The following ZNF804B variants were observed in gnomAD, a reference collection of about 807,000 sequenced individuals.
ZNF804B encodes the protein zinc finger protein 804B.
ZNF804B carries 80 observed loss-of-function variants against 101.4 expected under a neutral mutation model. That is an observed-to-expected ratio of 0.79 (90% confidence interval 0.66 to 0.95). The LOEUF (loss-of-function observed/expected upper bound fraction) is 0.95, where lower values mean the gene tolerates loss of function less well. ZNF804B is among the 40% of genes least tolerant of loss of function. ZNF804B has a pLI of 0.00. For missense variants in ZNF804B, 1,673 were observed against 1,561.9 expected (o/e 1.07, Z -1.20); for synonymous variants, 622 against 558.8 (o/e 1.11, Z -1.59).
intron 2 of ZNF804B, among the ~76,000 whole-genome samples, chr7:89,326,841 T>A (rs1254118093): frequency 1.3e-5 from 2 of 151,994 alleles, no homozygotes; most frequent in East Asian, 1.9e-4. Context: ...AATATCTCCA[T>A]CCAGAAAAAT....
chr7:88,810,455 C>A (rs764346794), intron 1 of ZNF804B, among the ~76,000 whole-genome samples: 1 of 151,668 alleles, frequency 6.6e-6, no homozygotes, highest in African/African-American at 2.4e-5. Context: ...GAGTTCGAGA[C>A]CAGCCTGGGC....
At chr7:89,031,489 A>G (rs1050643951) in intron 1 of ZNF804B, among the ~76,000 whole-genome samples, 12 of 152,008 alleles carry the variant, frequency 7.9e-5, no homozygotes, top group African/African-American at 2.9e-4. Context: ...AGACAAATAA[A>G]ATTTTGTTGA....
chr7:89,198,065 GCAAA>G (rs986075204), intron 1 of ZNF804B, among the ~76,000 whole-genome samples: 67 of 151,770 alleles, frequency 4.4e-4, no homozygotes, highest in Admixed American at 2.5e-3. Flanking sequence ...AATAGGATTA[GCAAA>G]CAAACGGATT....
At chr7:89,015,539 A>G (rs1470245295) in intron 1 of ZNF804B, among the ~76,000 whole-genome samples, 1 of 143,072 alleles carries the variant, frequency 7.0e-6, no homozygotes, top group Non-Finnish European at 1.5e-5. Flanking sequence ...TCCTGTGTCC[A>G]TGTGTTCTCA....
chr7:88,896,625 T>A (rs1792288847), intron 1 of ZNF804B, among the ~76,000 whole-genome samples: 1 of 152,134 alleles, frequency 6.6e-6, no homozygotes, highest in South Asian at 2.1e-4. Context: ...AAAGAATACG[T>A]GATACAGAAA....
At chr7:88,893,344 T>C (rs1426038251) in intron 1 of ZNF804B, among the ~76,000 whole-genome samples, 1 of 152,098 alleles carries the variant, frequency 6.6e-6, no homozygotes, top group Non-Finnish European at 1.5e-5. Context: ...TCATCCGTAT[T>C]GCTTTATTAC....
At chr7:89,301,245 G>A (rs1790469524) in intron 2 of ZNF804B, among the ~76,000 whole-genome samples, 1 of 150,788 alleles carries the variant, frequency 6.6e-6, no homozygotes, top group Non-Finnish European at 1.5e-5. Context: ...GAGTTTAGCT[G>A]ATCTCCTTGA....
chr7:88,975,789 T>A (rs1029458669), intron 1 of ZNF804B, among the ~76,000 whole-genome samples: 35 of 151,708 alleles, frequency 2.3e-4, no homozygotes, highest in African/African-American at 7.7e-4. Flanking sequence ...TGATTGCACT[T>A]GTCCATTTTT....
At chr7:89,005,701 A>T (rs1256502468) in intron 1 of ZNF804B, among the ~76,000 whole-genome samples, 1 of 152,144 alleles carries the variant, frequency 6.6e-6, no homozygotes, top group East Asian at 1.9e-4. Flanking sequence ...TATAGCAAAT[A>T]GCTCAGTCTT....
Position 89,333,800 on chromosome 7 carries a change from C to A in ZNF804B, c.818C>A (p.Thr273Lys), listed in dbSNP as rs1012981644. 1 of 1,613,416 alleles carries A rather than the reference C, an allele frequency of 6.2e-7. No individual in the cohort carries two copies. The highest frequency in any genetic ancestry group is 2.2e-5 in the East Asian group (1 of 44,832). ...TGCTGCAGGTTTGCAAATAAAGATA[C>A]ACACCTTACCAAGGAAAAAGAGGTA... ...CKCCRFANKDTHLTKEKEVNI... is the reference protein window; with the variant it reads ...CKCCRFANKDKHLTKEKEVNI... Residue 273 changes from threonine to lysine, a missense_variant, in exon 4 of 4, where the codon ACA becomes AAA. Physicochemically the swap from Thr to Lys is moderately conservative, Grantham distance 78 (BLOSUM62 -1). Transcript: ENST00000333190.
intron 3 of ZNF804B, 152 bp from the exon 4 acceptor site, chr7:89,333,211 A>AAGCTATAT: frequency 1.3e-6 from 1 of 750,778 alleles, no homozygotes; most frequent in South Asian, 2.7e-5. Context: ...AATTTATGCT[A>AAGCTATAT]AGCTATATAA....
chr7:88,967,658 G>T (rs529899189), intron 1 of ZNF804B, among the ~76,000 whole-genome samples: 1 of 139,856 alleles, frequency 7.2e-6, no homozygotes, highest in Non-Finnish European at 1.5e-5. Flanking sequence ...AATAACAAAC[G>T]AATACATTCT....
At chr7:89,225,801 G>A (rs1454159552) in intron 2 of ZNF804B, among the ~76,000 whole-genome samples, 1 of 151,992 alleles carries the variant, frequency 6.6e-6, no homozygotes, top group Non-Finnish European at 1.5e-5. Flanking sequence ...ACTTGACTTT[G>A]TGGAAAATTG....
intron 1 of ZNF804B, among the ~76,000 whole-genome samples, chr7:88,995,501 T>G (rs190033550): frequency 6.6e-6 from 1 of 152,212 alleles, no homozygotes; most frequent in African/African-American, 2.4e-5. Flanking sequence ...AGATTGGTTT[T>G]GTACAAATCA....
chr7:88,968,636 A>C (rs1793490162), intron 1 of ZNF804B, among the ~76,000 whole-genome samples: 1 of 151,662 alleles, frequency 6.6e-6, no homozygotes, highest in South Asian at 2.1e-4. Context: ...TGAATAAATC[A>C]ATGCAGTTAT....
At chr7:89,225,597 A>C (rs1789077834) in intron 2 of ZNF804B, among the ~76,000 whole-genome samples, 1 of 152,116 alleles carries the variant, frequency 6.6e-6, no homozygotes, top group African/African-American at 2.4e-5. Context: ...TCCTATGTCA[A>C]TACATTGACC....
intron 1 of ZNF804B, among the ~76,000 whole-genome samples, chr7:89,053,241 C>CT (rs1789236647): frequency 6.6e-6 from 1 of 152,052 alleles, no homozygotes; most frequent in Non-Finnish European, 1.5e-5. Context: ...ACTTTTATTG[C>CT]TTTTACCTCC....
intron 1 of ZNF804B, among the ~76,000 whole-genome samples, chr7:89,200,347 G>A (rs1256061450): frequency 6.6e-6 from 1 of 151,890 alleles, no homozygotes; most frequent in African/African-American, 2.4e-5. Flanking sequence ...CACAGTAAGA[G>A]TTTAATACAT....
chr7:88,845,285 G>GCA (rs1265080829), intron 1 of ZNF804B, among the ~76,000 whole-genome samples: 1 of 107,168 alleles, frequency 9.3e-6, no homozygotes, highest in Non-Finnish European at 1.8e-5. Flanking sequence ...GTGCGCACGC[G>GCA]CGCGCGCACG....
Sources: gnomAD v4.1 joint callset for allele counts (sites outside exome capture counted in the v4.1 genomes callset) on GRCh38, gnomAD v4.1.1 for gene constraint, MANE v1.5 for transcripts, NCBI Gene and HGNC (gene_info 2026-07-23, HGNC 2026-07-21) for gene names.